Variants in EP400 observed in about 807,000 individuals in gnomAD.
EP400 encodes E1A binding protein p400.
In EP400, 105 loss-of-function variants were observed where a neutral mutation model predicts 354.1. That is an observed-to-expected ratio of 0.30 (90% CI 0.25 to 0.35). EP400 has a LOEUF of 0.35. Among genes scored for constraint, EP400 ranks in the 10% least tolerant of loss-of-function variants. The pLI is 1.00. For missense variants in EP400, 3,280 were observed against 4,121.0 expected (o/e 0.80, Z 5.59); for synonymous variants, 1,646 against 1,716.9 (o/e 0.96, Z 1.02).
intron 14 of EP400, 117 bp from the exon 15 acceptor site, chr12:132,006,583 G>A: frequency 9.1e-7 from 1 of 1,097,878 alleles, no homozygotes; most frequent in South Asian, 1.7e-5. Flanking sequence ...GTTTTCTGTA[G>A]ATCATTTTTG....
chr12:132,039,072 G>A (rs754662397), intron 32 of EP400, among the ~76,000 whole-genome samples: 33 of 152,190 alleles, frequency 2.2e-4, no homozygotes, highest in Non-Finnish European at 3.2e-4. Context: ...CGACACCCGA[G>A]ATTGAGCCTC....
At position 132,038,057 on chromosome 12, in the gene EP400, G is replaced by A. The variant is rs144183598; in HGVS notation, c.6168G>A (p.Thr2056=). 2.5e-4 allele frequency: 408 copies of A among 1,614,188 alleles called. No homozygotes were observed. Among genetic ancestry groups the A allele is most frequent in the Middle Eastern group, 1.3e-3 (8 of 6,062 alleles). The change falls in exon 32 of 53, where the codon ACG becomes ACA. Residue 2056 remains threonine (T), a synonymous_variant. Transcript: ENST00000389561. This position sits in a 1 kb window ranked among gnomAD's most constrained non-coding sequence, Gnocchi z 4.2. ...FVVLSQEPSV[T]ETIAPKIARP... ...TGCTTTCTCAGGAACCTTCTGTCAC[G>A]GAAACCATTGCACCCAAAATTGCAA...
At chr12:132,063,705 C>G (rs1311092654) in intron 47 of EP400, among the ~76,000 whole-genome samples, 1 of 152,102 alleles carries the variant, frequency 6.6e-6, no homozygotes, top group Non-Finnish European at 1.5e-5. Flanking sequence ...GACGCACACT[C>G]AGCTGAGGGC....
chr12:132,029,911 G>C lies in EP400; in HGVS notation c.5584+8G>C. 6.2e-7 allele frequency: 1 copy of C among 1,611,784 alleles called. No individual in the cohort carries two copies. On this transcript the variant is annotated splice_region_variant and intron_variant, in intron 28 of 52. Coordinates refer to ENST00000389561, the MANE Select transcript of EP400 (RefSeq NM_015409.5). This position sits in a 1 kb window ranked among gnomAD's most constrained non-coding sequence, Gnocchi z 4.7. The stretch of plus-strand genomic sequence containing the variant: ...TGGTGCAGTTCGACTCAGGTATGCG[G>C]CAGTTGGGGGCGTGGCCCGTGCGGG...
At chr12:132,045,000 C>G in intron 37 of EP400, 47 bp downstream of exon 37, 1 of 1,604,148 alleles carries the variant, frequency 6.2e-7, no homozygotes, top group Non-Finnish European at 8.5e-7. Context: ...CCCTGGCCTG[C>G]AGAATCCCTG....
chr12:132,050,444 C>T lies in EP400; in HGVS notation c.7322C>T (p.Pro2441Leu). Reference sequence around the variant, plus strand: ...AAAATGACTGCTGGCAAGAGGAGTCCCCCAATCAAACCTCTGTATGTTTCC... The same window carrying T: ...AAAATGACTGCTGGCAAGAGGAGTCTCCCAATCAAACCTCTGTATGTTTCC... Reference protein sequence around the residue: ...LMKMTAGKRSPPIKPLLGMNP... With the variant: ...LMKMTAGKRSLPIKPLLGMNP... Residue 2441 changes from proline (P) to leucine (L), a missense_variant, in exon 40 of 53, where the codon CCC becomes CTC. By Grantham distance (98) the Pro-to-Leu change is moderately conservative. This residue lies in a region of EP400 where 29 missense variants were observed against 86.0 expected (regional missense o/e 0.34). Transcript: ENST00000389561. This position sits in a 1 kb window ranked among gnomAD's most constrained non-coding sequence, Gnocchi z 4.8. 1 of 1,614,094 alleles carries T rather than the reference C, an allele frequency of 6.2e-7. No homozygotes were observed. The highest frequency in any genetic ancestry group is 8.5e-7 in the Non-Finnish European group (1 of 1,180,024).
Position 132,044,184 on chromosome 12 carries a change from T to C in EP400, c.6458T>C (p.Val2153Ala). The change falls in exon 35 of 53, where the codon GTG (valine) becomes GCG (alanine). Residue 2153 changes from valine to alanine, a missense_variant. By Grantham distance (64) the Val-to-Ala change is moderately conservative. Transcript: ENST00000389561. ...TGCTGCTCTCCCCGTCAGGACGCAG[T>C]GATGACTGCAGTGAGGGCATGGGAG... is the stretch of plus-strand genomic sequence containing the variant. ...QEKERNSEDA[V>A]MTAVRAWEFW... is the part of the protein sequence containing the mutation. 3.1e-6 allele frequency: 5 copies of C among 1,614,150 alleles called. No homozygotes were observed. The highest frequency in any genetic ancestry group is 3.4e-6 in the Non-Finnish European group (4 of 1,179,994).
intron 25 of EP400, among the ~76,000 whole-genome samples, chr12:132,026,306 G>T (rs982595415): frequency 6.6e-6 from 1 of 152,192 alleles, no homozygotes; most frequent in Non-Finnish European, 1.5e-5. Flanking sequence ...CCAGAGACCC[G>T]TGGAGGCAGG....
chr12:132,035,686 T>G (rs1392864837), intron 30 of EP400, among the ~76,000 whole-genome samples: 1 of 140,970 alleles, frequency 7.1e-6, no homozygotes. Context: ...ACACAGAACG[T>G]CATGGAAGGG....
intron 39 of EP400, among the ~76,000 whole-genome samples, chr12:132,047,118 C>A (rs1020429368): frequency 6.6e-6 from 1 of 152,148 alleles, no homozygotes; most frequent in Non-Finnish European, 1.5e-5. Context: ...ATTTCTGTAC[C>A]CACTCTTTCA....
chr12:132,043,411 G>A lies in EP400; in HGVS notation c.6315G>A (p.Pro2105=), dbSNP rs754461689. 42 of 1,613,482 alleles carry A rather than the reference G, an allele frequency of 2.6e-5. No individual in the cohort carries two copies. Among genetic ancestry groups the A allele is most frequent in the South Asian group, 3.3e-5 (3 of 91,052 alleles). ...TGTCATCAGACTCTGAGAACATGCCGTGTGATGAAGAACCATCCCAATTAG... is the reference window on the plus strand; with the variant it reads ...TGTCATCAGACTCTGAGAACATGCCATGTGATGAAGAACCATCCCAATTAG... ...DALSSDSENM[P]CDEEPSQLEE... Residue 2105 remains proline (P), a synonymous_variant, in exon 33 of 53, where the codon CCG becomes CCA. Transcript: ENST00000389561.
In EP400 at chr12:131,989,950, CT is replaced by C; in HGVS notation, c.2410-10del. 6.2e-7 allele frequency: 1 copy of C among 1,612,658 alleles called. No individual in the cohort carries two copies. Among genetic ancestry groups the C allele is most frequent in the Non-Finnish European group, 8.5e-7 (1 of 1,179,638 alleles). On this transcript the variant is annotated splice_polypyrimidine_tract_variant and intron_variant, in intron 7 of 52. Coordinates refer to ENST00000389561, the MANE Select transcript of EP400 (RefSeq NM_015409.5). ...TAGAGTACAACATACAATTCTTGCA[CT>C]TTTATTCACCAGCTCGTTAGAACTG...
intron 23 of EP400, 98 bp from the exon 24 acceptor site, chr12:132,023,679 A>G: frequency 8.6e-7 from 1 of 1,163,062 alleles, no homozygotes. Flanking sequence ...TCAGTTTATG[A>G]TAGATGGTCA....
intron 39 of EP400, among the ~76,000 whole-genome samples, chr12:132,046,561 T>G (rs1895104721): frequency 1.3e-5 from 2 of 152,198 alleles, no homozygotes. Flanking sequence ...AAATGTTTAT[T>G]TACGTGTAGT....
rs770646594 is a variant in EP400, at chr12:132,012,981, G to A, written c.3442-28G>A. The A allele has an allele frequency of 1.9e-6, 3 of 1,563,488 alleles. 1 individual carries two copies. The highest frequency in any genetic ancestry group is 2.4e-5 in the South Asian group (2 of 84,064). ...TTTTGAAAGACAGTGGAGTGTGAAG[G>A]CACTGAGCTGTCCTCTCTGTGCTGC... On this transcript the variant is annotated intron_variant, in intron 16 of 52. Transcript: ENST00000389561.
chr12:132,007,159 T>G (rs1893611487), intron 15 of EP400, among the ~76,000 whole-genome samples: 1 of 152,232 alleles, frequency 6.6e-6, no homozygotes, highest in Non-Finnish European at 1.5e-5. Context: ...CTGTGCAGTG[T>G]GTGGGCAGCA....
intron 16 of EP400, among the ~76,000 whole-genome samples, chr12:132,012,541 A>G (rs920797613): frequency 1.3e-5 from 2 of 152,244 alleles, no homozygotes; most frequent in Admixed American, 6.5e-5. Flanking sequence ...CACCATGGGC[A>G]TTAGATTTCA....
In EP400 at chr12:132,062,572, G is replaced by GCAGCAGCAGCAA. The variant is rs1895738518; in HGVS notation, c.8216_8217insACAGCAGCAGCA (p.Gln2745_Gln2748dup). On this transcript the variant is annotated inframe_insertion, in exon 47 of 53. Coordinates refer to ENST00000389561, the MANE Select transcript of EP400 (RefSeq NM_015409.5). Reference sequence around the variant, plus strand: ...AACAGCAGCAGCAGCAGCAGCAGCAGCAGCAGCAGCAGCAGCAGCAACAGC... The same window carrying GCAGCAGCAGCAA: ...AACAGCAGCAGCAGCAGCAGCAGCAGCAGCAGCAGCAACAGCAGCAGCAGCAGCAGCAACAGC... 1 of 1,609,076 alleles carries GCAGCAGCAGCAA rather than the reference G, an allele frequency of 6.2e-7. No individual in the cohort carries two copies. The highest frequency in any genetic ancestry group is 1.3e-5 in the African/African-American group (1 of 74,710).
intron 12 of EP400, among the ~76,000 whole-genome samples, chr12:131,995,654 C>T (rs6598187): frequency 7.0e-6 from 1 of 143,324 alleles, no homozygotes; most frequent in African/African-American, 2.7e-5. Context: ...GCCGTTCATC[C>T]TGAGTGTGTG....
Sources: allele counts gnomAD v4.1 joint callset (sites outside exome capture counted in the v4.1 genomes callset), GRCh38; gene constraint gnomAD v4.1.1; regional missense constraint gnomAD v4.1.1; non-coding constraint Gnocchi (gnomAD v3.1); transcripts MANE v1.5; gene names NCBI Gene and HGNC (gene_info 2026-07-23, HGNC 2026-07-21).